The following AP3B1 variants were observed in gnomAD, a reference collection of about 807,000 sequenced individuals.
The protein encoded by AP3B1 is adaptor related protein complex 3 subunit beta 1.
In AP3B1, 61 loss-of-function variants were observed where a neutral mutation model predicts 132.5. The observed-to-expected ratio is 0.46, with a 90% CI of 0.37 to 0.57. The LOEUF (loss-of-function observed/expected upper bound fraction) is 0.57. Among genes scored for constraint, AP3B1 ranks in the 20% least tolerant of loss-of-function variants. The pLI, the probability that AP3B1 is intolerant of heterozygous loss-of-function variation, is 0.00. For missense variants in AP3B1, 1,120 were observed against 1,289.4 expected (o/e 0.87, Z 2.01); for synonymous variants, 388 against 438.3 (o/e 0.89, Z 1.43).
intron 14 of AP3B1, among the ~76,000 whole-genome samples, chr5:78,152,812 C>A (rs1444715842): frequency 6.6e-6 from 1 of 152,120 alleles, no homozygotes; most frequent in Non-Finnish European, 1.5e-5. Flanking sequence ...ATTGGTCATT[C>A]AGGAGCATAT....
chr5:78,096,686 G>A (rs570442484), intron 21 of AP3B1, among the ~76,000 whole-genome samples: 61 of 151,518 alleles, frequency 4.0e-4, no homozygotes, highest in Non-Finnish European at 6.9e-4. Context: ...GGTGAGGAGC[G>A]TCTCTGCCCA....
chr5:78,173,969 C>T (rs943937742), intron 11 of AP3B1, among the ~76,000 whole-genome samples: 1 of 152,098 alleles, frequency 6.6e-6, no homozygotes, highest in Admixed American at 6.6e-5. Context: ...TCCACTTGAT[C>T]GAATCGGCTA....
intron 8 of AP3B1, among the ~76,000 whole-genome samples, chr5:78,181,022 A>G (rs928892129): frequency 6.6e-6 from 1 of 152,056 alleles, no homozygotes; most frequent in African/African-American, 2.4e-5. Flanking sequence ...GTGAGGCATT[A>G]CCTTTGTTAG....
At chr5:78,043,018 A>G (rs532543007) in intron 22 of AP3B1, 29 of 165,032 alleles carry the variant, frequency 1.8e-4, no homozygotes, top group Middle Eastern at 7.5e-4. Context: ...TTCCCAATCA[A>G]TGATTTCTCC....
intron 26 of AP3B1, among the ~76,000 whole-genome samples, chr5:78,007,746 G>A (rs1746457476): frequency 6.6e-6 from 1 of 152,164 alleles, no homozygotes. Context: ...AACAGGCAGA[G>A]AATTTGTAAG....
At chr5:78,176,385 T>C (rs1205095748) in intron 9 of AP3B1, among the ~76,000 whole-genome samples, 2 of 150,274 alleles carry the variant, frequency 1.3e-5, no homozygotes, top group African/African-American at 4.9e-5. Context: ...AGAAAAATAA[T>C]AGCTGGATAT....
chr5:78,211,357 T>C (rs530181578), intron 7 of AP3B1, among the ~76,000 whole-genome samples: 8 of 152,342 alleles, frequency 5.3e-5, no homozygotes, highest in Admixed American at 4.6e-4. Flanking sequence ...GCAATCTACT[T>C]TGTCAACACT....
At chr5:78,092,659 T>G (rs1319619220) in intron 21 of AP3B1, among the ~76,000 whole-genome samples, 1 of 152,170 alleles carries the variant, frequency 6.6e-6, no homozygotes, top group East Asian at 1.9e-4. Flanking sequence ...GCAATTTTAT[T>G]TACTTATTTT....
At chr5:78,056,094 G>T (rs1748801553) in intron 22 of AP3B1, among the ~76,000 whole-genome samples, 1 of 151,902 alleles carries the variant, frequency 6.6e-6, no homozygotes, top group African/African-American at 2.4e-5. Flanking sequence ...TAATTGTAAG[G>T]AATTAACTCA....
At chr5:78,031,395 T>A (rs115704364) in intron 24 of AP3B1, among the ~76,000 whole-genome samples, 302 of 152,328 alleles carry the variant, frequency 2.0e-3, no homozygotes, top group African/African-American at 6.9e-3. Flanking sequence ...ATATTTTGGA[T>A]ACTCTCTTGG....
chr5:78,123,620 G>C (rs1752327445), intron 17 of AP3B1, among the ~76,000 whole-genome samples: 2 of 152,192 alleles, frequency 1.3e-5, no homozygotes, highest in Admixed American at 1.3e-4. Flanking sequence ...CTGACCATCA[G>C]AGAAATGCAA....
chr5:78,229,581 A>C (rs1480431384), intron 3 of AP3B1, among the ~76,000 whole-genome samples: 3 of 150,468 alleles, frequency 2.0e-5, no homozygotes, highest in Non-Finnish European at 4.4e-5. Context: ...AAAACAAAAA[A>C]AAAAAAAATT....
At chr5:78,179,669 GCCT>G (rs1580451498) in intron 8 of AP3B1, among the ~76,000 whole-genome samples, 1 of 152,038 alleles carries the variant, frequency 6.6e-6, no homozygotes, top group Admixed American at 6.6e-5. Flanking sequence ...TGTTAGAATA[GCCT>G]CCTAACATTC....
At chr5:78,197,810 A>ACTTTT (rs1450052220) in intron 7 of AP3B1, among the ~76,000 whole-genome samples, 1 of 152,236 alleles carries the variant, frequency 6.6e-6, no homozygotes, top group Non-Finnish European at 1.5e-5. Context: ...CCTGAAAAAT[A>ACTTTT]TCTACTTTTG....
Position 78,043,415 on chromosome 5 carries a change from C to A in AP3B1, c.2578-4141G>T, listed in dbSNP as rs147347804. The A allele has an allele frequency of 5.7e-4, 118 of 207,210 alleles. 2 individuals carry two copies. Among genetic ancestry groups the A allele is most frequent in the Non-Finnish European group, 5.2e-4 (50 of 95,570 alleles). 12.8% of individuals were successfully genotyped at this position (207,210 alleles called of 1,614,324 possible). A position where few individuals can be genotyped will look rare whatever the true frequency, so the allele number is the denominator to read the frequency against. ...AAAGTCCTGGGATTACAGGCATGAG[C>A]CATTGTGCCTGGCCTATCTTCCTCT... On this transcript the variant is annotated intron_variant, in intron 22 of 26. Coordinates refer to ENST00000255194, the MANE Select transcript of AP3B1 (RefSeq NM_003664.5).
rs186874899 is a variant in AP3B1, at chr5:78,041,497, T to C, written c.2578-2223A>G. Among the ~76,000 whole-genome samples, 469 of 151,630 alleles carry C rather than the reference T, an allele frequency of 3.1e-3. 2 individuals are homozygous for C. Among genetic ancestry groups the C allele is most frequent in the African/African-American group, 0.011 (446 of 41,296 alleles). Reference sequence around the variant, plus strand: ...TTGCCTGAGCTCAGGAAGTTGAGGCTGCAGTGAGCCATGATTAGGTCACTG... The same window carrying C: ...TTGCCTGAGCTCAGGAAGTTGAGGCCGCAGTGAGCCATGATTAGGTCACTG... On this transcript the variant is annotated intron_variant, in intron 22 of 26. Coordinates refer to ENST00000255194, the MANE Select transcript of AP3B1 (RefSeq NM_003664.5).
chr5:78,047,120 C>G (rs1040579695), intron 22 of AP3B1, among the ~76,000 whole-genome samples: 2 of 152,154 alleles, frequency 1.3e-5, no homozygotes, highest in Admixed American at 1.3e-4. Context: ...ATTTGGGTTA[C>G]TTCCAAGTCT....
At chr5:78,163,982 TGGA>T (rs1413858146) in intron 12 of AP3B1, among the ~76,000 whole-genome samples, 3 of 151,808 alleles carry the variant, frequency 2.0e-5, no homozygotes, top group Non-Finnish European at 4.4e-5. Context: ...AAATGACAAA[TGGA>T]GGAGAAAACC....
chr5:78,202,797 G>A (rs1745351635), intron 7 of AP3B1, among the ~76,000 whole-genome samples: 2 of 152,222 alleles, frequency 1.3e-5, no homozygotes, highest in African/African-American at 2.4e-5. Context: ...GCATTTCACT[G>A]TGAAAATTTT....
Sources: gnomAD v4.1 joint callset for allele counts (sites outside exome capture counted in the v4.1 genomes callset) on GRCh38, gnomAD v4.1.1 for gene constraint, MANE v1.5 for transcripts, NCBI Gene and HGNC (gene_info 2026-07-23, HGNC 2026-07-21) for gene names.